Variants in NCKAP5 observed in about 807,000 individuals in gnomAD.
The protein encoded by NCKAP5 is NCK associated protein 5, also known as nck-associated protein 5.
NCKAP5 carries 92 observed loss-of-function variants against 167.0 expected under a neutral mutation model. That is an observed-to-expected ratio of 0.55 (90% CI 0.47 to 0.66). The LOEUF (loss-of-function observed/expected upper bound fraction) is 0.66. Ranked by LOEUF, NCKAP5 falls within the 30% of genes least tolerant of loss-of-function variation. The pLI is 0.00. For synonymous variants in NCKAP5, 891 were observed against 877.4 expected, an observed-to-expected ratio of 1.02 and a Z score of -0.27; for missense variants, 2,378 against 2,315.0, an observed-to-expected ratio of 1.03 and a Z score of -0.56.
At chr2:133,626,407 T>A in the NCKAP5 span, among the ~76,000 whole-genome samples, 1 of 152,138 alleles carries the variant, frequency 6.6e-6, no homozygotes, top group African/African-American at 2.4e-5. Flanking sequence ...AGATCTAGAC[T>A]GTAAAAAACT....
the NCKAP5 span, among the ~76,000 whole-genome samples, chr2:133,577,893 G>T: frequency 2.0e-5 from 3 of 152,066 alleles, no homozygotes; most frequent in Admixed American, 1.3e-4. Context: ...ATTATTCCAT[G>T]GCTTCATTTG....
the NCKAP5 span, among the ~76,000 whole-genome samples, chr2:133,668,617 GT>G: frequency 3.8e-4 from 57 of 150,976 alleles, 1 homozygote; most frequent in African/African-American, 1.2e-3. Context: ...CTGTTTGCTT[GT>G]TTTTTTTAAC....
chr2:133,468,317 G>A (rs1414332308), intron 3 of NCKAP5, among the ~76,000 whole-genome samples: 5 of 145,212 alleles, frequency 3.4e-5, no homozygotes, highest in Admixed American at 7.0e-5. Flanking sequence ...GTAGTTGAGC[G>A]GTTTTGAGTG....
At chr2:133,246,344 T>C (rs973566996) in intron 4 of NCKAP5, among the ~76,000 whole-genome samples, 3 of 152,180 alleles carry the variant, frequency 2.0e-5, no homozygotes, top group African/African-American at 7.2e-5. Flanking sequence ...TTAACAATAC[T>C]GCTTGTCTCT....
chr2:133,299,653 A>T (rs1395126458), intron 4 of NCKAP5, among the ~76,000 whole-genome samples: 11 of 152,186 alleles, frequency 7.2e-5, no homozygotes, highest in Admixed American at 7.2e-4. Flanking sequence ...CGGGAGGCTG[A>T]GGCAGGAGAA....
intron 16 of NCKAP5, among the ~76,000 whole-genome samples, chr2:132,744,496 T>A (rs1679477897): frequency 6.6e-6 from 1 of 151,746 alleles, no homozygotes; most frequent in East Asian, 1.9e-4. Flanking sequence ...AACAGTGCCT[T>A]AACAAAAATG....
chr2:133,534,211 T>C (rs1396541551), intron 2 of NCKAP5, among the ~76,000 whole-genome samples: 3 of 152,216 alleles, frequency 2.0e-5, no homozygotes, highest in African/African-American at 7.2e-5. Flanking sequence ...ACCTCACATA[T>C]AGAGAAAAAT....
intron 3 of NCKAP5, among the ~76,000 whole-genome samples, chr2:133,496,698 T>C (rs902612749): frequency 2.6e-5 from 4 of 152,180 alleles, no homozygotes; most frequent in African/African-American, 9.7e-5. Context: ...GTAATCTGTG[T>C]TTTAATGAGT....
intron 11 of NCKAP5, among the ~76,000 whole-genome samples, chr2:132,832,185 A>C (rs1007020526): frequency 2.0e-5 from 3 of 152,128 alleles, no homozygotes; most frequent in Non-Finnish European, 4.4e-5. Flanking sequence ...TAATATTTTT[A>C]ATTTTTGGAA....
intron 5 of NCKAP5, among the ~76,000 whole-genome samples, chr2:133,210,010 C>G (rs2086133462): frequency 6.6e-6 from 1 of 151,686 alleles, no homozygotes; most frequent in African/African-American, 2.4e-5. Flanking sequence ...ACTAAAAATA[C>G]AAAAATGAGC....
intron 6 of NCKAP5, among the ~76,000 whole-genome samples, chr2:133,099,730 A>G (rs1051923815): frequency 1.3e-5 from 2 of 152,180 alleles, no homozygotes; most frequent in South Asian, 4.1e-4. Flanking sequence ...CTATTGAAAA[A>G]TCACAACTTT....
the NCKAP5 span, among the ~76,000 whole-genome samples, chr2:133,669,663 A>C: frequency 6.6e-6 from 1 of 152,228 alleles, no homozygotes. Flanking sequence ...AACCTGACAG[A>C]ATCCAAAGAC....
At chr2:133,630,851 C>T in the NCKAP5 span, among the ~76,000 whole-genome samples, 2 of 152,102 alleles carry the variant, frequency 1.3e-5, no homozygotes, top group African/African-American at 4.8e-5. Context: ...AAAGAGATGG[C>T]CCATCTCCTC....
At chr2:132,736,999 C>T (rs1007481931) in intron 16 of NCKAP5, among the ~76,000 whole-genome samples, 2 of 152,170 alleles carry the variant, frequency 1.3e-5, no homozygotes, top group South Asian at 2.1e-4. Context: ...GTTCCATGTG[C>T]CTTCTCTCTG....
At chr2:133,159,176 G>A (rs769053791) in intron 5 of NCKAP5, among the ~76,000 whole-genome samples, 46 of 152,170 alleles carry the variant, frequency 3.0e-4, no homozygotes, top group Middle Eastern at 3.4e-3. Context: ...GACTCAGTGC[G>A]CCCAGTGCTG....
At chr2:133,189,388 T>C (rs187490796) in intron 5 of NCKAP5, among the ~76,000 whole-genome samples, 3 of 152,190 alleles carry the variant, frequency 2.0e-5, no homozygotes, top group Non-Finnish European at 2.9e-5. Context: ...CTTCTGAAAC[T>C]ATTCCAATCA....
intron 3 of NCKAP5, among the ~76,000 whole-genome samples, chr2:133,379,511 C>A (rs1207241276): frequency 6.6e-6 from 1 of 152,160 alleles, no homozygotes; most frequent in Non-Finnish European, 1.5e-5. Flanking sequence ...TAAAAATTCA[C>A]AAAATACCAA....
intron 3 of NCKAP5, among the ~76,000 whole-genome samples, chr2:133,508,214 C>T (rs1683188363): frequency 6.6e-6 from 1 of 152,148 alleles, no homozygotes; most frequent in African/African-American, 2.4e-5. Flanking sequence ...AGTCACACCC[C>T]ATTCTTTTAG....
At chr2:132,770,811 T>C (rs1681977444) in intron 16 of NCKAP5, among the ~76,000 whole-genome samples, 1 of 152,178 alleles carries the variant, frequency 6.6e-6, no homozygotes, top group South Asian at 2.1e-4. Flanking sequence ...GCATACACAA[T>C]GGTGATCCCT....
Sources: allele counts gnomAD v4.1 joint callset (sites outside exome capture counted in the v4.1 genomes callset), GRCh38; gene constraint gnomAD v4.1.1; transcripts MANE v1.5; gene names NCBI Gene and HGNC (gene_info 2026-07-23, HGNC 2026-07-21).